The following SCARA5 variants were observed in gnomAD, a reference collection of about 807,000 sequenced individuals.
The protein encoded by SCARA5 is scavenger receptor class A member 5.
SCARA5 carries 45 observed loss-of-function variants against 46.3 expected under a neutral mutation model. The observed-to-expected ratio is 0.97, with a 90% CI of 0.76 to 1.24. The LOEUF is 1.24. SCARA5 is among the 50% of genes most tolerant of loss of function. The pLI is 0.00. For synonymous variants in SCARA5, 333 were observed against 306.5 expected (o/e 1.09, Z -0.90); for missense variants, 680 against 689.0 (o/e 0.99, Z 0.15).
At chr8:27,902,920 G>A (rs1222692909) in intron 7 of SCARA5, among the ~76,000 whole-genome samples, 1 of 152,176 alleles carries the variant, frequency 6.6e-6, no homozygotes, top group African/African-American at 2.4e-5. Context: ...AGCACTTCAG[G>A]TGAGGTGAGT....
At chr8:27,915,647 C>T (rs763531789) in intron 4 of SCARA5, among the ~76,000 whole-genome samples, 1 of 152,158 alleles carries the variant, frequency 6.6e-6, no homozygotes, top group Non-Finnish European at 1.5e-5. Flanking sequence ...TTTTTTCTCA[C>T]GAAATCAGCC....
At chr8:27,946,058 A>G (rs1289148081) in intron 3 of SCARA5, among the ~76,000 whole-genome samples, 1 of 152,226 alleles carries the variant, frequency 6.6e-6, no homozygotes, top group Admixed American at 6.5e-5. Flanking sequence ...GGAATTTAAG[A>G]AGTAACCCAA....
intron 3 of SCARA5, among the ~76,000 whole-genome samples, chr8:27,931,589 G>C (rs1195893889): frequency 6.6e-6 from 1 of 152,172 alleles, no homozygotes; most frequent in East Asian, 1.9e-4. Context: ...AAGAACAACA[G>C]TGACTGGTTG....
At chr8:27,989,194 G>T (rs1563203521) in intron 1 of SCARA5, among the ~76,000 whole-genome samples, 1 of 133,718 alleles carries the variant, frequency 7.5e-6, no homozygotes, top group Non-Finnish European at 1.5e-5. Context: ...GGATGGCAGT[G>T]GTGCAGTCTT....
At chr8:27,930,448 G>A (rs1807751818) in intron 3 of SCARA5, among the ~76,000 whole-genome samples, 1 of 151,868 alleles carries the variant, frequency 6.6e-6, no homozygotes, top group African/African-American at 2.4e-5. Context: ...TGTTGCCCAG[G>A]CTGGAGTGCA....
Position 27,958,559 on chromosome 8 carries a change from A to T in SCARA5, c.241+7855T>A, listed in dbSNP as rs535932612. ...TCTCGGGAACTGCACGCGTGGCAGC[A>T]GGCTACAGAATGGGGACTATAGGGA... On this transcript the variant is annotated intron_variant, in intron 3 of 8. Coordinates refer to ENST00000354914, the MANE Select transcript of SCARA5 (RefSeq NM_173833.6). Among the ~76,000 whole-genome samples the T allele has an allele frequency of 4.6e-5, 7 of 152,378 alleles. No individual in the cohort carries two copies. The East Asian group carries it at 1.3e-3, about 29-fold the overall frequency.
At chr8:27,872,096 T>G in intron 8 of SCARA5, 26 bp from the exon 9 acceptor site, 1 of 1,613,734 alleles carries the variant, frequency 6.2e-7, no homozygotes, top group Non-Finnish European at 8.5e-7. Flanking sequence ...AACACAGCTA[T>G]AAGCGGATAC....
At position 27,871,860 on chromosome 8, in the gene SCARA5, C is replaced by A. The variant is rs1214808982; in HGVS notation, c.*74G>T. Reference sequence around the variant, plus strand: ...TGGTCGAGGCATGGTCAGGGTGGCCCCGAGCTGTGCCCCACCCCAGGGATG... The same window carrying A: ...TGGTCGAGGCATGGTCAGGGTGGCCACGAGCTGTGCCCCACCCCAGGGATG... On this transcript the variant is annotated 3_prime_UTR_variant, in exon 9 of 9. Transcript: ENST00000354914. 9 of 1,604,068 alleles carry A rather than the reference C, an allele frequency of 5.6e-6. No individual in the cohort carries two copies.
At chr8:27,884,748 A>G (rs1806867180) in intron 7 of SCARA5, among the ~76,000 whole-genome samples, 1 of 152,230 alleles carries the variant, frequency 6.6e-6, no homozygotes, top group Non-Finnish European at 1.5e-5. Context: ...CTGAGAGTCT[A>G]TCAGACAGCT....
chr8:27,985,849 G>C (rs1161887753), intron 2 of SCARA5, among the ~76,000 whole-genome samples: 1 of 152,246 alleles, frequency 6.6e-6, no homozygotes, highest in Non-Finnish European at 1.5e-5. Flanking sequence ...CCCCACAGAG[G>C]AGGGGCCCAG....
chr8:27,920,627 C>T (rs1228511689), intron 4 of SCARA5, among the ~76,000 whole-genome samples: 1 of 116,184 alleles, frequency 8.6e-6, no homozygotes, highest in Non-Finnish European at 1.9e-5. Flanking sequence ...AAAAAAAAAC[C>T]AAAACAAAAC....
intron 1 of SCARA5, among the ~76,000 whole-genome samples, chr8:27,988,626 T>C (rs2129989926): frequency 6.6e-6 from 1 of 152,404 alleles, no homozygotes; most frequent in Middle Eastern, 3.4e-3. Flanking sequence ...ACATTCCTTA[T>C]GTAATGAGAA....
chr8:27,883,147 G>A (rs1051985126), intron 7 of SCARA5, among the ~76,000 whole-genome samples: 1 of 152,222 alleles, frequency 6.6e-6, no homozygotes, highest in African/African-American at 2.4e-5. Flanking sequence ...CTGGCTGGAG[G>A]AAATGAAAAA....
rs1807438298 is a variant in SCARA5, at chr8:27,914,968, G to T, written c.917-5225C>A. ...CATGACGGGGTAGGGGACCTGTGTG[G>T]GCTGGAATCCAGGAACTGATGTGCC... On this transcript the variant is annotated intron_variant, in intron 4 of 8. Coordinates refer to ENST00000354914, the MANE Select transcript of SCARA5 (RefSeq NM_173833.6). Among the ~76,000 whole-genome samples, 5 of 152,146 alleles carry T rather than the reference G, an allele frequency of 3.3e-5. No homozygotes were observed. The South Asian group carries it at 1.0e-3, about 32-fold the overall frequency.
rs766672252 is a variant in SCARA5 at position 27,966,499 on chromosome 8, C to T, written c.156G>A (p.Leu52=). Residue 52 remains leucine, a synonymous_variant, in exon 3 of 9, where the codon CTG becomes CTA. Coordinates refer to ENST00000354914, the MANE Select transcript of SCARA5 (RefSeq NM_173833.6). ...CATGCTTCAGGGCCGACAGGGACCC[C>T]AGCTGGGTACAGCAGATGCTTGCCC... ...KRRASICCTQ[L]GSLSALKHAV... is the part of the protein sequence containing the mutation. The T allele has an allele frequency of 1.9e-6, 3 of 1,613,898 alleles. No homozygotes were observed. Among genetic ancestry groups the T allele is most frequent in the South Asian group, 1.1e-5 (1 of 91,050 alleles).
At chr8:27,935,276 C>T (rs910502953) in intron 3 of SCARA5, among the ~76,000 whole-genome samples, 4 of 152,154 alleles carry the variant, frequency 2.6e-5, no homozygotes, top group African/African-American at 9.7e-5. Context: ...TCTCTTGACT[C>T]AAGGAACAGG....
chr8:27,915,542 C>G (rs960307372), intron 4 of SCARA5, among the ~76,000 whole-genome samples: 3 of 152,218 alleles, frequency 2.0e-5, no homozygotes, highest in Non-Finnish European at 4.4e-5. Context: ...TACCCAGAAA[C>G]CAGAGTCCCA....
intron 7 of SCARA5, among the ~76,000 whole-genome samples, chr8:27,889,156 G>C (rs1806943952): frequency 6.6e-6 from 1 of 152,138 alleles, no homozygotes; most frequent in Admixed American, 6.5e-5. Context: ...CAGTAAAGAG[G>C]GTACAGCTGA....
intron 3 of SCARA5, among the ~76,000 whole-genome samples, chr8:27,946,580 C>T (rs557271441): frequency 2.8e-4 from 43 of 152,312 alleles, no homozygotes; most frequent in Middle Eastern, 3.4e-3. Context: ...ATGCAGGCTG[C>T]GGTATTTTGT....
Sources: allele counts gnomAD v4.1 joint callset (sites outside exome capture counted in the v4.1 genomes callset), GRCh38; gene constraint gnomAD v4.1.1; transcripts MANE v1.5; gene names NCBI Gene and HGNC (gene_info 2026-07-23, HGNC 2026-07-21).